The following PHLPP2 variants were observed in gnomAD, a reference collection of about 807,000 sequenced individuals.
PHLPP2 encodes PH domain and leucine rich repeat protein phosphatase 2.
A neutral mutation model predicts 124.9 loss-of-function variants in PHLPP2; 66 were observed. That is an observed-to-expected ratio of 0.53 (90% CI 0.43 to 0.65). The LOEUF (loss-of-function observed/expected upper bound fraction) is 0.65, where lower values mean the gene tolerates loss of function less well. PHLPP2 is among the 30% of genes least tolerant of loss of function. PHLPP2 has a pLI of 0.00. For missense variants in PHLPP2, 1,685 were observed against 1,600.4 expected (o/e 1.05, Z -0.90); for synonymous variants, 681 against 624.7 (o/e 1.09, Z -1.34).
At chr16:71,697,218 AAAG>A (rs2045181392) in intron 3 of PHLPP2, among the ~76,000 whole-genome samples, 2 of 142,892 alleles carry the variant, frequency 1.4e-5, no homozygotes, top group Non-Finnish European at 3.1e-5. Flanking sequence ...AAATAAATAA[AAAG>A]AAACTCAGGG....
At chr16:71,662,623 T>C (rs992927168) in intron 13 of PHLPP2, among the ~76,000 whole-genome samples, 1 of 152,186 alleles carries the variant, frequency 6.6e-6, no homozygotes, top group African/African-American at 2.4e-5. Context: ...ACATATAATT[T>C]CATCCAAAAT....
In PHLPP2 at chr16:71,667,186, C is replaced by T; in HGVS notation, c.1776G>A (p.Lys592=). 1 of 1,612,474 alleles carries T rather than the reference C, an allele frequency of 6.2e-7. No homozygotes were observed. ...AATCCTATGATACTTACTTTAAGGCCTTGGAGAAGAGGGTGTCTGGCAGCC... is the reference window on the plus strand; with the variant it reads ...AATCCTATGATACTTACTTTAAGGCTTTGGAGAAGAGGGTGTCTGGCAGCC... ...LTRLPDTLFS[K]ALNLRYLNAS... Residue 592 remains lysine (K), a synonymous_variant, in exon 12 of 19, where the codon AAG becomes AAA. Transcript: ENST00000568954.
intron 11 of PHLPP2, among the ~76,000 whole-genome samples, chr16:71,667,935 T>C (rs1052274048): frequency 3.3e-5 from 5 of 152,288 alleles, no homozygotes; most frequent in Non-Finnish European, 5.9e-5. Flanking sequence ...TATACCTCAA[T>C]GCTTTGGAAT....
intron 3 of PHLPP2, among the ~76,000 whole-genome samples, chr16:71,699,962 C>T (rs181488613): frequency 6.6e-6 from 1 of 152,214 alleles, no homozygotes; most frequent in African/African-American, 2.4e-5. Context: ...TTCCCACCAG[C>T]GTCCAATCAG....
chr16:71,661,339 G>T (rs1251329100), intron 13 of PHLPP2, among the ~76,000 whole-genome samples: 1 of 152,192 alleles, frequency 6.6e-6, no homozygotes, highest in East Asian at 1.9e-4. Context: ...CCAAAGTGCT[G>T]GGATTACAGG....
chr16:71,653,095 C>A, intron 17 of PHLPP2, 74 bp from the exon 18 acceptor site: 1 of 768,992 alleles, frequency 1.3e-6, no homozygotes, highest in South Asian at 1.9e-5. Flanking sequence ...CACGTACATC[C>A]CTTCTTTTTT....
chr16:71,707,490 T>C (rs1290322037), intron 2 of PHLPP2, among the ~76,000 whole-genome samples: 1 of 152,180 alleles, frequency 6.6e-6, no homozygotes, highest in African/African-American at 2.4e-5. Flanking sequence ...GTTGGGGCTC[T>C]GAGCCACCCT....
At chr16:71,675,656 C>A (rs1030352880) in intron 9 of PHLPP2, among the ~76,000 whole-genome samples, 1 of 152,214 alleles carries the variant, frequency 6.6e-6, no homozygotes, top group Non-Finnish European at 1.5e-5. Flanking sequence ...CATTCCAGTA[C>A]AACTTCATTC....
chr16:71,684,999 G>T (rs1029675641), intron 4 of PHLPP2, among the ~76,000 whole-genome samples: 1 of 152,102 alleles, frequency 6.6e-6, no homozygotes, highest in Non-Finnish European at 1.5e-5. Context: ...CTATTGGAGC[G>T]GTGGCAGGAA....
chr16:71,651,653 A>C (rs2044697346), intron 18 of PHLPP2, among the ~76,000 whole-genome samples: 1 of 152,268 alleles, frequency 6.6e-6, no homozygotes. Flanking sequence ...AATAGTATCA[A>C]TCACATAAAA....
At chr16:71,718,371 A>T (rs1265114004) in intron 1 of PHLPP2, among the ~76,000 whole-genome samples, 1 of 151,996 alleles carries the variant, frequency 6.6e-6, no homozygotes, top group Admixed American at 6.6e-5. Context: ...CAAGGTCAGG[A>T]GTTCGAGACC....
chr16:71,683,798 G>GT (rs534642306), intron 5 of PHLPP2, among the ~76,000 whole-genome samples: 40 of 150,084 alleles, frequency 2.7e-4, no homozygotes, highest in Admixed American at 6.7e-4. Context: ...CTTGTCTTTT[G>GT]TTTTTTTTTC....
chr16:71,692,201 CT>C (rs1475074551), intron 3 of PHLPP2, among the ~76,000 whole-genome samples: 1 of 152,066 alleles, frequency 6.6e-6, no homozygotes, highest in Non-Finnish European at 1.5e-5. Context: ...TCCCGAGTAG[CT>C]GGGACTACAA....
At chr16:71,691,590 C>T (rs892679571) in intron 3 of PHLPP2, among the ~76,000 whole-genome samples, 1 of 152,146 alleles carries the variant, frequency 6.6e-6, no homozygotes, top group Non-Finnish European at 1.5e-5. Flanking sequence ...TGTTACTAAT[C>T]TACCCTAGAA....
chr16:71,648,925 T>A lies in PHLPP2; in HGVS notation c.3937A>T (p.Thr1313Ser). 1 of 1,612,996 alleles carries A rather than the reference T, an allele frequency of 6.2e-7. No homozygotes were observed. Residue 1313 changes from threonine to serine, a missense_variant, in exon 19 of 19, where the codon ACC (threonine) becomes TCC (serine). Transcript: ENST00000568954. ...LEPEPHEEDR[T>S]EPPEEFDTAL Reference sequence around the variant, plus strand: ...GTGTCGAACTCCTCCGGGGGCTCGGTCCGATCCTCTTCATGGGGCTCAGGC... The same window carrying A: ...GTGTCGAACTCCTCCGGGGGCTCGGACCGATCCTCTTCATGGGGCTCAGGC...
At chr16:71,700,800 C>T (rs1024474465) in intron 3 of PHLPP2, among the ~76,000 whole-genome samples, 1 of 152,040 alleles carries the variant, frequency 6.6e-6, no homozygotes, top group African/African-American at 2.4e-5. Context: ...GCTGGGATTA[C>T]AGGCGTGAGC....
chr16:71,675,287 G>T (rs1363335151), intron 9 of PHLPP2, among the ~76,000 whole-genome samples: 1 of 152,078 alleles, frequency 6.6e-6, no homozygotes, highest in African/African-American at 2.4e-5. Context: ...ATTTACATTT[G>T]CATTTTTCTG....
intron 1 of PHLPP2, among the ~76,000 whole-genome samples, chr16:71,721,961 G>C (rs947326444): frequency 3.3e-5 from 5 of 152,088 alleles, no homozygotes; most frequent in African/African-American, 1.2e-4. Flanking sequence ...TGTATTATCT[G>C]ACAATAATGT....
Position 71,676,447 on chromosome 16 carries a change from T to C in PHLPP2, c.1471A>G (p.Arg491Gly), listed in dbSNP as rs776760160. The C allele has an allele frequency of 1.9e-6, 3 of 1,612,762 alleles. No homozygotes were observed. The highest frequency in any genetic ancestry group is 1.7e-5 in the Admixed American group (1 of 59,982). ...SLRTLYASSNRLTAVNVYPVP... is the reference protein window; with the variant it reads ...SLRTLYASSNGLTAVNVYPVP... Reference sequence around the variant, plus strand: ...ACAAAAGGCTGCAGAGAAAACTCACTGTTGGAACTGGCATAGAGGGTCCGA... The same window carrying C: ...ACAAAAGGCTGCAGAGAAAACTCACCGTTGGAACTGGCATAGAGGGTCCGA... The change falls in exon 9 of 19, where the codon AGG becomes GGG. Residue 491 changes from arginine to glycine, a missense_variant and splice_region_variant. Coordinates refer to ENST00000568954, the MANE Select transcript of PHLPP2 (RefSeq NM_015020.3).
Sources: gnomAD v4.1 joint callset for allele counts (sites outside exome capture counted in the v4.1 genomes callset) on GRCh38, gnomAD v4.1.1 for gene constraint, MANE v1.5 for transcripts, NCBI Gene and HGNC (gene_info 2026-07-23, HGNC 2026-07-21) for gene names.